PPFIBP1: variants seen among roughly 807,000 people sequenced by gnomAD.
The protein encoded by PPFIBP1 is PPFIB scaffold protein 1, also known as liprin-beta-1.
A neutral mutation model predicts 137.8 loss-of-function variants in PPFIBP1; 112 were observed. The ratio of observed to expected loss-of-function variants is 0.81; its 90% CI spans 0.70 to 0.95. PPFIBP1 has a LOEUF of 0.95. Ranked by LOEUF, PPFIBP1 falls within the 40% of genes least tolerant of loss-of-function variation. The probability of loss-of-function intolerance (pLI) is 0.00; values close to 1 mark genes in which losing one functional copy is unlikely to be tolerated. For missense variants in PPFIBP1, 1,083 were observed against 1,196.6 expected (o/e 0.91, Z 1.40); for synonymous variants, 378 against 417.3 (o/e 0.91, Z 1.15).
In PPFIBP1 at chr12:27,687,379, T is replaced by C; in HGVS notation, c.2248-6T>C. The C allele has an allele frequency of 6.2e-7, 1 of 1,613,036 alleles. No homozygotes were observed. The highest frequency in any genetic ancestry group is 1.1e-5 in the South Asian group (1 of 90,988). On this transcript the variant is annotated splice_polypyrimidine_tract_variant and splice_region_variant and intron_variant, in intron 24 of 29. Transcript: ENST00000228425. ...AGTGAGCTCCTCCTTTTGTTCTTTT[T>C]TGCAGGATGACTTACTGTCTCTGAA...
At chr12:27,588,660 AG>A (rs1213627348) in intron 2 of PPFIBP1, among the ~76,000 whole-genome samples, 1 of 152,190 alleles carries the variant, frequency 6.6e-6, no homozygotes, top group East Asian at 1.9e-4. Flanking sequence ...GCTGCAGGTG[AG>A]GAAAAACTAA....
rs1339175071 is a variant in PPFIBP1, at chr12:27,649,453, G to A, written c.472-557G>A. Reference sequence around the variant, plus strand: ...AGACTGAAGTATATATATGGTTTATGCATGTGTATCTACACAACATATGTC... The same window carrying A: ...AGACTGAAGTATATATATGGTTTATACATGTGTATCTACACAACATATGTC... On this transcript the variant is annotated intron_variant, in intron 6 of 29. Coordinates refer to ENST00000228425, the MANE Select transcript of PPFIBP1 (RefSeq NM_003622.4). Among the ~76,000 whole-genome samples, 3 of 152,052 alleles carry A rather than the reference G, an allele frequency of 2.0e-5. No homozygotes were observed. In the South Asian group the frequency reaches 6.2e-4, roughly 32 times the overall value.
chr12:27,661,348 C>T (rs2059535721), intron 11 of PPFIBP1, among the ~76,000 whole-genome samples: 1 of 152,208 alleles, frequency 6.6e-6, no homozygotes, highest in Admixed American at 6.5e-5. Flanking sequence ...CTCATTATTT[C>T]CTTTACACTC....
intron 1 of PPFIBP1, among the ~76,000 whole-genome samples, chr12:27,554,192 A>G (rs867369406): frequency 2.0e-5 from 3 of 152,246 alleles, no homozygotes; most frequent in Non-Finnish European, 4.4e-5. Flanking sequence ...AGCCTGGTGT[A>G]ATCAAGAAAA....
chr12:27,663,489 T>A (rs1336583965), intron 11 of PPFIBP1, among the ~76,000 whole-genome samples: 1 of 151,890 alleles, frequency 6.6e-6, no homozygotes, highest in Non-Finnish European at 1.5e-5. Context: ...AGTGGATGGA[T>A]AAGTGAAAGG....
At chr12:27,562,275 A>C (rs1423190318) in intron 1 of PPFIBP1, among the ~76,000 whole-genome samples, 1 of 151,806 alleles carries the variant, frequency 6.6e-6, no homozygotes, top group Non-Finnish European at 1.5e-5. Flanking sequence ...TTTGTTGAAT[A>C]AAAGAAAGAA....
chr12:27,598,444 G>T (rs1459358816), intron 2 of PPFIBP1, among the ~76,000 whole-genome samples: 1 of 152,130 alleles, frequency 6.6e-6, no homozygotes, highest in East Asian at 1.9e-4. Flanking sequence ...ACCTCCGACT[G>T]GGTCCCTCCC....
intron 2 of PPFIBP1, among the ~76,000 whole-genome samples, chr12:27,604,690 G>A (rs1368409622): frequency 6.6e-6 from 1 of 152,196 alleles, no homozygotes. Context: ...GCACACAATG[G>A]TCTCCATTCA....
At chr12:27,689,294 A>G (rs982684963) in intron 27 of PPFIBP1, 91 bp downstream of exon 27, 2 of 1,291,936 alleles carry the variant, frequency 1.5e-6, no homozygotes, top group Admixed American at 2.9e-5. Flanking sequence ...GGGGTTTACT[A>G]AGTTTTGTGG....
intron 2 of PPFIBP1, among the ~76,000 whole-genome samples, chr12:27,585,273 G>C (rs10842941): frequency 0.42 from 64,126 of 152,140 alleles, 14,442 homozygotes; most frequent in Non-Finnish European, 0.52. Flanking sequence ...TAAGTCTGTA[G>C]TCAGAGAAGT....
At chr12:27,663,887 T>C (rs1349115901) in intron 11 of PPFIBP1, among the ~76,000 whole-genome samples, 1 of 151,820 alleles carries the variant, frequency 6.6e-6, no homozygotes, top group Non-Finnish European at 1.5e-5. Flanking sequence ...TTGTTTTTAA[T>C]AGATAGGAGG....
intron 1 of PPFIBP1, among the ~76,000 whole-genome samples, chr12:27,558,261 T>TG (rs1179716440): frequency 4.6e-4 from 66 of 144,192 alleles, no homozygotes; most frequent in East Asian, 1.7e-3. Context: ...TCTGGGTTTT[T>TG]TTTTTGTTTT....
chr12:27,676,476 C>T lies in PPFIBP1; in HGVS notation c.1459C>T (p.Pro487Ser). Residue 487 changes from proline (P) to serine (S), a missense_variant, in exon 18 of 30, where the codon CCC (proline) becomes TCC (serine). By Grantham distance (74) the Pro-to-Ser change is moderately conservative (BLOSUM62 -1). Coordinates refer to ENST00000228425, the MANE Select transcript of PPFIBP1 (RefSeq NM_003622.4). Reference sequence around the variant, plus strand: ...GCCATTTGGGACCCTTCCTCCCAGGCCCCCAGGGCAGGACACCTCCATGGA... The same window carrying T: ...GCCATTTGGGACCCTTCCTCCCAGGTCCCCAGGGCAGGACACCTCCATGGA... The part of the protein sequence containing the change: ...SRPFGTLPPR[P>S]PGQDTSMDDN... The T allele has an allele frequency of 6.3e-7, 1 of 1,585,856 alleles. No individual in the cohort carries two copies. Among genetic ancestry groups the T allele is most frequent in the Non-Finnish European group, 8.6e-7 (1 of 1,165,266 alleles).
At chr12:27,658,951 A>G (rs761394831) in intron 10 of PPFIBP1, 103 bp downstream of exon 10, 470 of 1,193,154 alleles carry the variant, frequency 3.9e-4, no homozygotes, top group Admixed American at 2.6e-4. Context: ...CAAAGATGTA[A>G]AGTTGCTTCA....
chr12:27,572,986 G>T (rs1043800558), intron 1 of PPFIBP1, among the ~76,000 whole-genome samples: 2 of 152,126 alleles, frequency 1.3e-5, no homozygotes, highest in Non-Finnish European at 2.9e-5. Context: ...TTTGAAGTTT[G>T]CTCATAAGAG....
intron 2 of PPFIBP1, among the ~76,000 whole-genome samples, chr12:27,602,300 G>C (rs1431168255): frequency 2.6e-5 from 4 of 152,272 alleles, no homozygotes; most frequent in South Asian, 2.1e-4. Flanking sequence ...ATAATTGACA[G>C]ATAAAAATTG....
intron 27 of PPFIBP1, among the ~76,000 whole-genome samples, 165 bp from the exon 28 acceptor site, chr12:27,691,584 C>T (rs951928655): frequency 6.6e-6 from 1 of 151,828 alleles, no homozygotes; most frequent in African/African-American, 2.4e-5. Flanking sequence ...TGTTTTTATC[C>T]ATATTTAAAC....
Position 27,681,597 on chromosome 12 carries a change from G to T in PPFIBP1, c.1947G>T (p.Trp649Cys). ...GGACCAAGGAGCAGGTTTGCAATTG[G>T]CTGATGGAACAGGGCTTGGGCTCGT... is the stretch of plus-strand genomic sequence containing the variant. ...AKWTKEQVCN[W>C]LMEQGLGSYL... Residue 649 changes from tryptophan to cysteine, a missense_variant, in exon 22 of 30, where the codon TGG becomes TGT. Trp to Cys is a radical substitution (Grantham distance 215, BLOSUM62 -2). Transcript: ENST00000228425. 6.2e-7 allele frequency: 1 copy of T among 1,614,148 alleles called. No homozygotes were observed. Among genetic ancestry groups the T allele is most frequent in the Non-Finnish European group, 8.5e-7 (1 of 1,180,006 alleles).
chr12:27,613,943 T>A (rs543506797), intron 2 of PPFIBP1, among the ~76,000 whole-genome samples: 4 of 152,262 alleles, frequency 2.6e-5, no homozygotes, highest in African/African-American at 4.8e-5. Context: ...CATACAGCAC[T>A]GCTCCTCGGA....
Sources: allele counts gnomAD v4.1 joint callset (sites outside exome capture counted in the v4.1 genomes callset), GRCh38; gene constraint gnomAD v4.1.1; transcripts MANE v1.5; gene names NCBI Gene and HGNC (gene_info 2026-07-23, HGNC 2026-07-21).